The following ADGRG7 variants were observed in gnomAD, a reference collection of about 807,000 sequenced individuals.
ADGRG7 encodes the protein adhesion G protein-coupled receptor G7.
A neutral mutation model predicts 88.6 loss-of-function variants in ADGRG7; 82 were observed. The ratio of observed to expected loss-of-function variants is 0.93; its 90% CI spans 0.77 to 1.11. The LOEUF (loss-of-function observed/expected upper bound fraction) is 1.11. Among genes scored for constraint, ADGRG7 ranks in the 50% most tolerant of loss-of-function variants. The pLI, the probability that ADGRG7 is intolerant of heterozygous loss-of-function variation, is 0.00. For synonymous variants in ADGRG7, 381 were observed against 345.2 expected (o/e 1.10, Z -1.15); for missense variants, 945 against 953.4 (o/e 0.99, Z 0.12).
chr3:100,675,847 GT>G (rs1367951084), intron 15 of ADGRG7, among the ~76,000 whole-genome samples: 1 of 152,086 alleles, frequency 6.6e-6, no homozygotes, highest in African/African-American at 2.4e-5. Context: ...GGTTGTTTGT[GT>G]GTAGAAATTT....
At chr3:100,662,725 TTGC>T (rs1402218493) in intron 14 of ADGRG7, among the ~76,000 whole-genome samples, 2 of 151,878 alleles carry the variant, frequency 1.3e-5, no homozygotes, top group African/African-American at 4.8e-5. Context: ...AGGAAAAAAG[TTGC>T]TGCCAAAAAG....
intron 1 of ADGRG7, among the ~76,000 whole-genome samples, chr3:100,620,102 C>T (rs1443534843): frequency 3.3e-5 from 5 of 151,928 alleles, no homozygotes; most frequent in African/African-American, 1.2e-4. Flanking sequence ...AGAGACACAA[C>T]AAAAAAAGAG....
chr3:100,614,785 A>G (rs1559667990), intron 1 of ADGRG7, among the ~76,000 whole-genome samples: 1 of 152,142 alleles, frequency 6.6e-6, no homozygotes, highest in African/African-American at 2.4e-5. Context: ...AATATTTTTT[A>G]TTTGGAATCT....
chr3:100,630,777 C>G lies in ADGRG7; in HGVS notation c.302C>G (p.Ser101Cys), dbSNP rs750234175. Residue 101 changes from serine to cysteine, a missense_variant, in exon 3 of 16, where the codon TCC (serine) becomes TGC (cysteine). Coordinates refer to ENST00000273352, the MANE Select transcript of ADGRG7 (RefSeq NM_032787.3). ...ATCCCAGTGGGCAGATATGGACCAT[C>G]CTTGCAAACATGTGGCAAGGATACT... ...ARIPVGRYGP[S>C]LQTCGKDTPN... 2.7e-6 allele frequency: 4 copies of G among 1,483,156 alleles called. No homozygotes were observed. Among genetic ancestry groups the G allele is most frequent in the Non-Finnish European group, 3.6e-6 (4 of 1,118,648 alleles). The allele number at this position is 1,483,156 out of a possible 1,614,324, so 91.9% of individuals were successfully genotyped here.
rs200751632 is a variant in ADGRG7 at position 100,685,824 on chromosome 3, A to G, written c.2137-8920A>G. Among the ~76,000 whole-genome samples the G allele has an allele frequency of 5.8e-3, 879 of 152,284 alleles. 28 individuals carry two copies. In the East Asian group the frequency reaches 0.065, roughly 11 times the overall value. ...AGTCTTTGCTATTGTGAATAGTGCC[A>G]CAATAAACATACGTGTGCATGTGTT... On this transcript the variant is annotated intron_variant, in intron 15 of 15. Transcript: ENST00000273352.
intron 13 of ADGRG7, among the ~76,000 whole-genome samples, chr3:100,659,013 C>A (rs376885467): frequency 1.3e-5 from 2 of 151,958 alleles, no homozygotes; most frequent in Admixed American, 1.3e-4. Context: ...GAGAAAAAAA[C>A]GCCACTACAA....
Position 100,689,973 on chromosome 3 carries a change from C to G in ADGRG7, c.2137-4771C>G, listed in dbSNP as rs149995413. 2.5e-3 allele frequency among the ~76,000 whole-genome samples: 377 copies of G among 152,286 alleles called. 3 individuals are homozygous for G. Among genetic ancestry groups the G allele is most frequent in the African/African-American group, 8.6e-3 (358 of 41,542 alleles). On this transcript the variant is annotated intron_variant, in intron 15 of 15. Transcript: ENST00000273352. ...TGGATAATATACTGCAGAGTGTTTT[C>G]CAACTTGGTTCCTTTCTCCCCGTCA... is the stretch of plus-strand genomic sequence containing the variant.
intron 1 of ADGRG7, among the ~76,000 whole-genome samples, chr3:100,615,888 A>G (rs1293875039): frequency 1.3e-5 from 2 of 152,190 alleles, no homozygotes; most frequent in Admixed American, 1.3e-4. Context: ...GACCTGAGCC[A>G]CCAGCAAAAT....
intron 15 of ADGRG7, among the ~76,000 whole-genome samples, chr3:100,669,790 C>T (rs1368356268): frequency 6.6e-6 from 1 of 152,094 alleles, no homozygotes; most frequent in African/African-American, 2.4e-5. Flanking sequence ...AATTCCAGCA[C>T]TTTGGGAGGC....
At chr3:100,625,733 A>C (rs1707371660) in intron 1 of ADGRG7, among the ~76,000 whole-genome samples, 1 of 152,210 alleles carries the variant, frequency 6.6e-6, no homozygotes, top group African/African-American at 2.4e-5. Flanking sequence ...AATTTTTAAC[A>C]TGAAGGGATG....
intron 14 of ADGRG7, among the ~76,000 whole-genome samples, chr3:100,664,763 A>G (rs1269898551): frequency 1.3e-5 from 2 of 152,210 alleles, no homozygotes; most frequent in African/African-American, 2.4e-5. Context: ...GTAAATAGTA[A>G]CAAATTCTGA....
intron 15 of ADGRG7, among the ~76,000 whole-genome samples, chr3:100,682,786 G>C (rs1353182534): frequency 1.3e-5 from 2 of 152,198 alleles, no homozygotes; most frequent in Non-Finnish European, 2.9e-5. Context: ...AGCGGGAACC[G>C]GGGGCAAGCG....
At chr3:100,644,557 GA>G (rs1448147267) in intron 8 of ADGRG7, among the ~76,000 whole-genome samples, 2 of 152,016 alleles carry the variant, frequency 1.3e-5, no homozygotes, top group Non-Finnish European at 2.9e-5. Flanking sequence ...AAAAAAGAGA[GA>G]GACAATATTA....
rs545460723 is a variant in ADGRG7 at position 100,618,535 on chromosome 3, G to A, written c.115+8564G>A. 4.9e-4 allele frequency among the ~76,000 whole-genome samples: 75 copies of A among 152,136 alleles called. No individual in the cohort carries two copies. The East Asian group carries it at 7.3e-3, about 15-fold the overall frequency. The stretch of plus-strand genomic sequence containing the variant: ...AAAGATCAGATGGTTGTAGATATGA[G>A]GCATCATTTCTGAGGGCTCTTTTCT... On this transcript the variant is annotated intron_variant, in intron 1 of 15. Coordinates refer to ENST00000273352, the MANE Select transcript of ADGRG7 (RefSeq NM_032787.3).
intron 1 of ADGRG7, among the ~76,000 whole-genome samples, chr3:100,610,204 C>T (rs1397219243): frequency 6.6e-6 from 1 of 152,090 alleles, no homozygotes; most frequent in Non-Finnish European, 1.5e-5. Flanking sequence ...TTGAATTGGC[C>T]TCTTTATGCT....
At position 100,635,034 on chromosome 3, in the gene ADGRG7, C is replaced by T. The variant is rs185886699; in HGVS notation, c.448-643C>T. ...ACACACACACACACACACACATACA[C>T]ACACACGTGCGCGCGCATGGACACC... On this transcript the variant is annotated intron_variant, in intron 4 of 15. Coordinates refer to ENST00000273352, the MANE Select transcript of ADGRG7 (RefSeq NM_032787.3). 3.3e-5 allele frequency among the ~76,000 whole-genome samples: 5 copies of T among 150,134 alleles called. No individual in the cohort carries two copies. In the East Asian group the frequency reaches 9.8e-4, roughly 29 times the overall value.
intron 6 of ADGRG7, among the ~76,000 whole-genome samples, chr3:100,638,406 C>T (rs1302416447): frequency 6.6e-6 from 1 of 152,184 alleles, no homozygotes; most frequent in Non-Finnish European, 1.5e-5. Context: ...GGTTGCCTCT[C>T]ACTGTCTCTG....
chr3:100,654,662 T>A, intron 11 of ADGRG7, 173 bp from the exon 12 acceptor site: 1 of 535,344 alleles, frequency 1.9e-6, no homozygotes, highest in East Asian at 3.0e-5. Context: ...AAGAGGAAAG[T>A]ATAGTTTTCT....
chr3:100,673,281 T>C (rs2149036736), intron 15 of ADGRG7, among the ~76,000 whole-genome samples: 1 of 152,298 alleles, frequency 6.6e-6, no homozygotes, highest in Non-Finnish European at 1.5e-5. Flanking sequence ...GACTTCCTCC[T>C]GGTTTAGACT....
Sources: allele counts gnomAD v4.1 joint callset (sites outside exome capture counted in the v4.1 genomes callset), GRCh38; gene constraint gnomAD v4.1.1; transcripts MANE v1.5; gene names NCBI Gene and HGNC (gene_info 2026-07-23, HGNC 2026-07-21).